Variants in SUMF1 observed in about 807,000 individuals in gnomAD.
SUMF1 encodes the protein sulfatase modifying factor 1.
A neutral mutation model predicts 47.6 loss-of-function variants in SUMF1; 48 were observed. That is an observed-to-expected ratio of 1.01 (90% CI 0.80 to 1.28). The LOEUF (loss-of-function observed/expected upper bound fraction) is 1.28, where lower values mean the gene tolerates loss of function less well. SUMF1 is among the 50% of genes most tolerant of loss of function. SUMF1 has a pLI of 0.00. For synonymous variants in SUMF1, 230 were observed against 192.1 expected, an observed-to-expected ratio of 1.20 and a Z score of -1.63; for missense variants, 571 against 485.4, an observed-to-expected ratio of 1.18 and a Z score of -1.66.
At chr3:4,245,361 C>A (rs1696638468) in intron 8 of SUMF1, among the ~76,000 whole-genome samples, 1 of 152,188 alleles carries the variant, frequency 6.6e-6, no homozygotes, top group African/African-American at 2.4e-5. Context: ...GGTCTCTCCC[C>A]ATCTTTGCAG....
chr3:4,313,658 G>A, intron 8 of SUMF1: 2 of 1,613,990 alleles, frequency 1.2e-6, no homozygotes, highest in Non-Finnish European at 1.7e-6. Context: ...TCTCTGTACT[G>A]CCCCGTAGAA....
At chr3:4,369,131 A>C (rs542468557) in intron 8 of SUMF1, among the ~76,000 whole-genome samples, 1 of 152,204 alleles carries the variant, frequency 6.6e-6, no homozygotes, top group East Asian at 1.9e-4. Context: ...TCAAGTTGAC[A>C]CAGAAATTCT....
At chr3:4,053,715 T>C (rs1275636691) in intron 9 of SUMF1, among the ~76,000 whole-genome samples, 1 of 152,070 alleles carries the variant, frequency 6.6e-6, no homozygotes, top group African/African-American at 2.4e-5. Flanking sequence ...TGGAAGGAAA[T>C]TAATCTTATT....
intron 8 of SUMF1, among the ~76,000 whole-genome samples, chr3:4,263,363 A>G (rs1697124708): frequency 6.6e-6 from 1 of 152,208 alleles, no homozygotes; most frequent in Non-Finnish European, 1.5e-5. Flanking sequence ...AATTCAAGGT[A>G]AAGGTGTGTG....
At chr3:4,357,678 G>C (rs979753148), downstream of SUMF1, among the ~76,000 whole-genome samples, 66 of 151,400 alleles carry the variant, frequency 4.4e-4, no homozygotes, top group African/African-American at 1.6e-3. Flanking sequence ...GCGCGATCTC[G>C]GCTCACTGCA....
At chr3:4,089,169 C>T (rs752173009) in intron 8 of SUMF1, among the ~76,000 whole-genome samples, 1 of 152,086 alleles carries the variant, frequency 6.6e-6, no homozygotes, top group Non-Finnish European at 1.5e-5. Flanking sequence ...TTTGCTCCTA[C>T]TCACAAAGCA....
intron 8 of SUMF1, among the ~76,000 whole-genome samples, chr3:4,242,009 G>A (rs564567277): frequency 1.2e-4 from 19 of 152,218 alleles, no homozygotes; most frequent in African/African-American, 3.9e-4. Flanking sequence ...TACTGCACAC[G>A]TGCTTGGAAA....
chr3:4,089,407 T>G (rs1376870660), intron 8 of SUMF1, among the ~76,000 whole-genome samples: 2 of 152,154 alleles, frequency 1.3e-5, no homozygotes, highest in African/African-American at 2.4e-5. Flanking sequence ...TAAGGAAAGC[T>G]ACTTGCTCTA....
intron 8 of SUMF1, among the ~76,000 whole-genome samples, chr3:4,265,622 G>C (rs1430710524): frequency 1.3e-5 from 2 of 152,160 alleles, no homozygotes; most frequent in South Asian, 2.1e-4. Context: ...GTAGATTCTG[G>C]ATATTAGCCC....
chr3:4,249,514 G>A (rs1206855841), intron 8 of SUMF1, among the ~76,000 whole-genome samples: 1 of 151,754 alleles, frequency 6.6e-6, no homozygotes, highest in African/African-American at 2.4e-5. Flanking sequence ...AACTGTTTGG[G>A]GGCACCACAA....
In SUMF1 at chr3:4,410,992, C is replaced by T. The variant is rs9852367; in HGVS notation, c.841-14G>A. The T allele has an allele frequency of 1.7e-3, 2,719 of 1,605,188 alleles. 26 individuals carry two copies. The African/African-American group carries it at 0.025, about 15-fold the overall frequency. On this transcript the variant is annotated splice_polypyrimidine_tract_variant and intron_variant, in intron 6 of 8. Transcript: ENST00000272902. ...GAAGGCATCAACCTAAAAACAAAGA[C>T]AGGAAAAATGCTGTCAAACTATTCA...
intron 2 of SUMF1, among the ~76,000 whole-genome samples, chr3:4,451,830 C>T (rs1575240105): frequency 3.3e-5 from 5 of 152,210 alleles, no homozygotes. Flanking sequence ...ACTACGGGTG[C>T]CCGCCACCAT....
chr3:4,042,410 G>T (rs148760648), intron 9 of SUMF1, among the ~76,000 whole-genome samples: 1 of 152,074 alleles, frequency 6.6e-6, no homozygotes, highest in East Asian at 1.9e-4. Context: ...TCTCATATTC[G>T]TATACCTGAC....
At chr3:4,129,362 T>C (rs984180633) in intron 8 of SUMF1, among the ~76,000 whole-genome samples, 68 of 152,180 alleles carry the variant, frequency 4.5e-4, no homozygotes, top group African/African-American at 1.5e-3. Flanking sequence ...AGTTCTGGCA[T>C]TGGCTAATCA....
intron 8 of SUMF1, among the ~76,000 whole-genome samples, chr3:4,340,238 T>C (rs1383117396): frequency 2.6e-5 from 4 of 152,202 alleles, no homozygotes; most frequent in Non-Finnish European, 5.9e-5. Context: ...CTGATGCTGC[T>C]GAATCCGGGA....
chr3:4,316,760 G>A, intron 8 of SUMF1: 4 of 1,550,776 alleles, frequency 2.6e-6, no homozygotes, highest in Non-Finnish European at 3.5e-6. Context: ...ACTTCCCAAA[G>A]CCAATCTTGC....
At chr3:4,036,684 C>A (rs1182181352) in intron 9 of SUMF1, among the ~76,000 whole-genome samples, 3 of 151,632 alleles carry the variant, frequency 2.0e-5, no homozygotes, top group Non-Finnish European at 4.4e-5. Context: ...CAGAGCCCCA[C>A]TGTGAGGAGA....
chr3:4,199,735 A>G (rs1695502724), intron 8 of SUMF1, among the ~76,000 whole-genome samples: 1 of 152,044 alleles, frequency 6.6e-6, no homozygotes. Flanking sequence ...AATGTTGAAC[A>G]TTGTTTCATG....
At chr3:4,406,312 A>C (rs529228216) in intron 7 of SUMF1, among the ~76,000 whole-genome samples, 1 of 152,344 alleles carries the variant, frequency 6.6e-6, no homozygotes, top group African/African-American at 2.4e-5. Context: ...TTTAATATTA[A>C]GTGGCAGAGC....
Sources: allele counts gnomAD v4.1 joint callset (sites outside exome capture counted in the v4.1 genomes callset), GRCh38; gene constraint gnomAD v4.1.1; transcripts MANE v1.5; gene names NCBI Gene and HGNC (gene_info 2026-07-23, HGNC 2026-07-21).